Variants in GRIP1 observed in about 807,000 individuals in gnomAD.
GRIP1 encodes glutamate receptor interacting protein 1, also known as glutamate receptor-interacting protein 1.
Under a neutral mutation model 129.9 loss-of-function variants are expected in GRIP1, and 45 were observed. The ratio of observed to expected loss-of-function variants is 0.35; its 90% CI spans 0.27 to 0.44. GRIP1 has a LOEUF of 0.44. Ranked by LOEUF, GRIP1 falls within the 20% of genes least tolerant of loss-of-function variation. The probability of loss-of-function intolerance (pLI) is 1.00; values close to 1 mark genes in which losing one functional copy is unlikely to be tolerated. For missense variants in GRIP1, 1,196 were observed against 1,396.8 expected (o/e 0.86, Z 2.29); for synonymous variants, 530 against 520.8 (o/e 1.02, Z -0.24).
chr12:66,381,176 A>T (rs551041900), intron 19 of GRIP1, among the ~76,000 whole-genome samples: 1 of 152,324 alleles, frequency 6.6e-6, no homozygotes, highest in Admixed American at 6.5e-5. Flanking sequence ...ATACTCTAAG[A>T]ACCTTCTATT....
At chr12:66,895,566 C>T (rs1489529473) in intron 1 of GRIP1, among the ~76,000 whole-genome samples, 1 of 152,108 alleles carries the variant, frequency 6.6e-6, no homozygotes, top group African/African-American at 2.4e-5. Flanking sequence ...CATTCTCTCC[C>T]CTTGTTTCTA....
At chr12:66,687,620 A>G (rs1261347357) in intron 1 of GRIP1, among the ~76,000 whole-genome samples, 1 of 152,202 alleles carries the variant, frequency 6.6e-6, no homozygotes, top group Non-Finnish European at 1.5e-5. Flanking sequence ...GTAGTTCTAA[A>G]TTTTAACTTA....
At chr12:66,815,315 C>G (rs147787521) in intron 1 of GRIP1, among the ~76,000 whole-genome samples, 135 of 152,178 alleles carry the variant, frequency 8.9e-4, no homozygotes, top group African/African-American at 3.1e-3. Flanking sequence ...CAATGATCCT[C>G]CAAAACCTAG....
intron 1 of GRIP1, among the ~76,000 whole-genome samples, chr12:66,678,292 T>G (rs2034432702): frequency 6.6e-6 from 1 of 152,180 alleles, no homozygotes; most frequent in South Asian, 2.1e-4. Context: ...AATAAACTTC[T>G]AGTATTACAT....
chr12:67,036,887 A>G (rs2043103597), intron 1 of GRIP1, among the ~76,000 whole-genome samples: 1 of 152,180 alleles, frequency 6.6e-6, no homozygotes, highest in African/African-American at 2.4e-5. Flanking sequence ...AATTATAAAA[A>G]TATGAATTCA....
chr12:66,777,484 T>C (rs1222200367), intron 1 of GRIP1, among the ~76,000 whole-genome samples: 2 of 152,188 alleles, frequency 1.3e-5, no homozygotes, highest in Non-Finnish European at 2.9e-5. Context: ...TTTCTTTTTA[T>C]TCACAGTACC....
At position 67,012,966 on chromosome 12, in the gene GRIP1, T is replaced by C. The variant is rs900700877; in HGVS notation, c.58+56084A>G. Reference sequence around the variant, plus strand: ...TGAATAAATATAACAGCTTTGTAAATAGAAAATAATTTATGTCTAAAAGAA... The same window carrying C: ...TGAATAAATATAACAGCTTTGTAAACAGAAAATAATTTATGTCTAAAAGAA... On this transcript the variant is annotated intron_variant, in intron 1 of 1. Coordinates refer to the GRIP1 transcript ENST00000643019. Among the ~76,000 whole-genome samples the C allele has an allele frequency of 3.9e-5, 6 of 152,176 alleles. No homozygotes were observed. In the East Asian group the frequency reaches 5.8e-4, roughly 15 times the overall value.
At chr12:66,533,880 TA>T (rs879497400) in intron 4 of GRIP1, among the ~76,000 whole-genome samples, 2,742 of 128,550 alleles carry the variant, frequency 0.021, 59 homozygotes, top group South Asian at 0.066. Flanking sequence ...CACACACACA[TA>T]CACACACTCT....
intron 1 of GRIP1, among the ~76,000 whole-genome samples, chr12:66,693,562 G>C (rs11837712): frequency 0.058 from 8,813 of 152,134 alleles, 605 homozygotes; most frequent in South Asian, 0.18. Context: ...GGGGTGATAT[G>C]CTCTCAGACA....
intron 1 of GRIP1, among the ~76,000 whole-genome samples, chr12:66,796,033 T>A (rs2038686348): frequency 6.6e-6 from 1 of 152,126 alleles, no homozygotes. Flanking sequence ...ACACACTTAC[T>A]AACACTATTC....
At chr12:66,374,765 C>G (rs1389783394) in intron 22 of GRIP1, among the ~76,000 whole-genome samples, 1 of 152,138 alleles carries the variant, frequency 6.6e-6, no homozygotes, top group African/African-American at 2.4e-5. Context: ...AAATAAGATA[C>G]TATCACTAAT....
intron 2 of GRIP1, among the ~76,000 whole-genome samples, chr12:66,594,337 C>T (rs1046051398): frequency 6.6e-6 from 1 of 152,136 alleles, no homozygotes; most frequent in Non-Finnish European, 1.5e-5. Context: ...GAGAAGGAGA[C>T]TAAGACTGTA....
At chr12:66,882,719 A>T (rs904228816) in intron 1 of GRIP1, among the ~76,000 whole-genome samples, 1 of 152,216 alleles carries the variant, frequency 6.6e-6, no homozygotes, top group African/African-American at 2.4e-5. Context: ...ATTAATATTA[A>T]TCACAATAAT....
chr12:66,458,321 C>A (rs1412245220), intron 9 of GRIP1, among the ~76,000 whole-genome samples: 2 of 152,216 alleles, frequency 1.3e-5, no homozygotes, highest in Non-Finnish European at 2.9e-5. Flanking sequence ...CTACCTTCCA[C>A]AACATAGCTA....
Position 66,475,659 on chromosome 12 carries a change from T to C in GRIP1, c.725-10237A>G, listed in dbSNP as rs1343156338. On this transcript the variant is annotated intron_variant, in intron 7 of 24. Coordinates refer to ENST00000359742, the MANE Select transcript of GRIP1 (RefSeq NM_001366722.1). The stretch of plus-strand genomic sequence containing the variant: ...GACCACAGTGCAATCAAAATAGAAC[T>C]CAGGATTAAGAAACTCACTCAAAAC... Among the ~76,000 whole-genome samples, 3 of 152,152 alleles carry C rather than the reference T, an allele frequency of 2.0e-5. 1 individual carries two copies. The highest frequency in any genetic ancestry group is 4.4e-5 in the Non-Finnish European group (3 of 68,032).
chr12:66,754,268 A>T (rs1350025934), intron 1 of GRIP1, among the ~76,000 whole-genome samples: 2 of 152,236 alleles, frequency 1.3e-5, no homozygotes, highest in Admixed American at 6.5e-5. Context: ...CTGCTGAACA[A>T]ATGTTAAAAC....
intron 1 of GRIP1, among the ~76,000 whole-genome samples, chr12:67,023,295 T>C (rs778386456): frequency 3.6e-4 from 55 of 152,342 alleles, no homozygotes; most frequent in Non-Finnish European, 6.0e-4. Flanking sequence ...CACTTTGAGT[T>C]AACTTTTTAA....
intron 1 of GRIP1, among the ~76,000 whole-genome samples, chr12:66,921,335 T>G (rs773333606): frequency 2.6e-5 from 4 of 152,216 alleles, no homozygotes; most frequent in Non-Finnish European, 5.9e-5. Flanking sequence ...AAGGGACTGC[T>G]CCTGGCTCCT....
intron 1 of GRIP1, among the ~76,000 whole-genome samples, chr12:67,008,619 GAGC>G (rs1467614957): frequency 6.6e-6 from 1 of 152,092 alleles, no homozygotes; most frequent in East Asian, 1.9e-4. Context: ...ATGTGACCTT[GAGC>G]AAGTTACTTA....
Sources: gnomAD v4.1 joint callset for allele counts (sites outside exome capture counted in the v4.1 genomes callset) on GRCh38, gnomAD v4.1.1 for gene constraint, MANE v1.5 for transcripts, NCBI Gene and HGNC (gene_info 2026-07-23, HGNC 2026-07-21) for gene names.